The following FAM72C variants were observed in gnomAD, a reference collection of about 807,000 sequenced individuals.
The protein encoded by FAM72C is protein FAM72C.
Under a neutral mutation model 5.2 loss-of-function variants are expected in FAM72C, and 1 was observed. The observed-to-expected ratio is 0.19, with a 90% CI of 0.07 to 0.91. The LOEUF (loss-of-function observed/expected upper bound fraction) is 0.91. Ranked by LOEUF, FAM72C falls within the 40% of genes least tolerant of loss-of-function variation. The probability of loss-of-function intolerance (pLI) is 0.66; values close to 1 mark genes in which losing one functional copy is unlikely to be tolerated. For missense variants in FAM72C, 4 were observed against 66.0 expected, an observed-to-expected ratio of 0.06 and a Z score of 3.25; for synonymous variants, 1 against 21.8, an observed-to-expected ratio of 0.05 and a Z score of 2.66.
chr1:143,966,900 T>C (rs1411006907), intron 2 of FAM72C, among the ~76,000 whole-genome samples: 1 of 141,886 alleles, frequency 7.0e-6, no homozygotes, highest in Non-Finnish European at 1.5e-5. Context: ...TGGTGGCACG[T>C]GCCTGTAGTC....
chr1:143,963,930 A>C, intron 3 of FAM72C, among the ~76,000 whole-genome samples: 1 of 97,608 alleles, frequency 1.0e-5, no homozygotes, highest in African/African-American at 3.9e-5. Context: ...TGATCCTCCC[A>C]CCTCAGCCTC....
chr1:143,967,319 A>C, intron 2 of FAM72C, among the ~76,000 whole-genome samples: 1 of 144,684 alleles, frequency 6.9e-6, no homozygotes, highest in Admixed American at 6.9e-5. Flanking sequence ...CTCTACTAAA[A>C]TATGAAAAAT....
intron 3 of FAM72C, among the ~76,000 whole-genome samples, chr1:143,960,449 G>C (rs1553517750): frequency 8.3e-6 from 1 of 120,206 alleles, no homozygotes; most frequent in Admixed American, 8.4e-5. Flanking sequence ...CAGGCATGGT[G>C]ACTCACGTCT....
rs1326895376 is a variant in FAM72C, at chr1:143,966,815, G to A, written c.231-1836C>T. Among the ~76,000 whole-genome samples the A allele has an allele frequency of 7.7e-5, 11 of 143,026 alleles. 2 individuals carry two copies. The highest frequency in any genetic ancestry group is 7.0e-4 in the Admixed American group (10 of 14,344). The allele number at this position is 143,026 out of a possible 152,430, so 93.8% of individuals were successfully genotyped here. A position where few individuals can be genotyped will look rare whatever the true frequency, so the allele number is the denominator to read the frequency against. On this transcript the variant is annotated intron_variant, in intron 2 of 3. Transcript: ENST00000584486. ...GGCTGAGGCGGGTGGATCACTTGAG[G>A]TCAGGAGTTCGAGACCAGCCTGGCC...
At position 143,959,472 on chromosome 1, in the gene FAM72C, G is replaced by T; in HGVS notation, c.356-2991C>A. Among the ~76,000 whole-genome samples the T allele has an allele frequency of 1.6e-5, 2 of 127,512 alleles. 1 individual carries two copies. Among genetic ancestry groups the T allele is most frequent in the East Asian group, 4.6e-4 (2 of 4,390 alleles). The allele number at this position is 127,512 out of a possible 152,430, so 83.7% of individuals were successfully genotyped here. Reference sequence around the variant, plus strand: ...AGACCCCATAAATGATAGATTGAGAGCCACAGTTGAGTCCCAGATAAAAAA... The same window carrying T: ...AGACCCCATAAATGATAGATTGAGATCCACAGTTGAGTCCCAGATAAAAAA... On this transcript the variant is annotated intron_variant, in intron 3 of 3. Transcript: ENST00000584486.
intron 3 of FAM72C, among the ~76,000 whole-genome samples, chr1:143,958,008 G>C (rs1204050003): frequency 1.3e-5 from 1 of 75,242 alleles, no homozygotes; most frequent in East Asian, 3.6e-4. Context: ...CACTGAGATA[G>C]CAGCCACATG....
intron 3 of FAM72C, among the ~76,000 whole-genome samples, chr1:143,962,216 G>T (rs1553517959): frequency 7.0e-6 from 1 of 143,418 alleles, no homozygotes; most frequent in African/African-American, 2.6e-5. Flanking sequence ...GTTTCTCCAT[G>T]TTGGTCAGGC....
At chr1:143,965,283 C>T (rs1463500677) in intron 2 of FAM72C, among the ~76,000 whole-genome samples, 1 of 99,318 alleles carries the variant, frequency 1.0e-5, no homozygotes, top group Non-Finnish European at 2.0e-5. Flanking sequence ...GCAACCTCCG[C>T]CTCCCAGGTT....
At chr1:143,962,233 C>T (rs1315670703) in intron 3 of FAM72C, among the ~76,000 whole-genome samples, 3 of 143,698 alleles carry the variant, frequency 2.1e-5, no homozygotes, top group South Asian at 4.7e-4. Flanking sequence ...AGGCTGGTCT[C>T]GAACTCCCAA....
chr1:143,964,114 C>T (rs1406816318), intron 3 of FAM72C, among the ~76,000 whole-genome samples: 1 of 29,770 alleles, frequency 3.4e-5, no homozygotes, highest in Admixed American at 3.7e-4. Context: ...CCACTGCTCT[C>T]GGCCGAATAA....
At chr1:143,967,022 C>T (rs1482483183) in intron 2 of FAM72C, among the ~76,000 whole-genome samples, 17 of 144,156 alleles carry the variant, frequency 1.2e-4, no homozygotes, top group Admixed American at 5.6e-4. Context: ...AGCAAGACTC[C>T]GTCTCAAAGC....
intron 3 of FAM72C, among the ~76,000 whole-genome samples, chr1:143,962,090 C>T (rs1466623005): frequency 1.5e-5 from 2 of 137,332 alleles, no homozygotes; most frequent in African/African-American, 5.3e-5. Context: ...TCTTGGCTCA[C>T]CGCAACCTCC....
At position 143,955,439 on chromosome 1, in the gene FAM72C, G is replaced by T. The variant is rs1255314302; in HGVS notation, c.*948C>A. The T allele has an allele frequency of 1.8e-4, 25 of 136,216 alleles. No individual in the cohort carries two copies. In the Admixed American group the frequency reaches 1.9e-3, roughly 10 times the overall value. The allele number at this position is 136,216 out of a possible 1,614,324, so 8.4% of individuals were successfully genotyped here. On this transcript the variant is annotated 3_prime_UTR_variant, in exon 4 of 4. Transcript: ENST00000584486. ...GTATTGACAAAATCCCTACAACTGAGATATTAAAGAGATACATTTATTTTA... is the reference window on the plus strand; with the variant it reads ...GTATTGACAAAATCCCTACAACTGATATATTAAAGAGATACATTTATTTTA...
chr1:143,967,581 A>G (rs1661811221), intron 2 of FAM72C, among the ~76,000 whole-genome samples: 2 of 133,104 alleles, frequency 1.5e-5, no homozygotes, highest in South Asian at 2.4e-4. Flanking sequence ...TGACTACCAC[A>G]TACTAGTTCC....
In FAM72C at chr1:143,967,037, C is replaced by CA. The variant is rs1229326876; in HGVS notation, c.230+1886dup. On this transcript the variant is annotated intron_variant, in intron 2 of 3. Transcript: ENST00000584486. ...AGCAAGACTCCGTCTCAAAGCAAAACAAAAAAAATGTCGTTGCCCAGGTGC... is the reference window on the plus strand; with the variant it reads ...AGCAAGACTCCGTCTCAAAGCAAAACAAAAAAAAATGTCGTTGCCCAGGTGC... Among the ~76,000 whole-genome samples, 172 of 135,924 alleles carry CA rather than the reference C, an allele frequency of 1.3e-3. 12 individuals carry two copies. The highest frequency in any genetic ancestry group is 1.9e-3 in the Non-Finnish European group (117 of 62,990). 89.2% of individuals were successfully genotyped at this position (135,924 alleles called of 152,430 possible).
chr1:143,960,973 C>T lies in FAM72C; in HGVS notation c.355+3882G>A, dbSNP rs1327399496. 5.3e-5 allele frequency among the ~76,000 whole-genome samples: 7 copies of T among 131,848 alleles called. 1 individual carries two copies. Among genetic ancestry groups the T allele is most frequent in the Admixed American group, 4.6e-4 (6 of 13,036 alleles). 86.5% of individuals were successfully genotyped at this position (131,848 alleles called of 152,430 possible). A position where few individuals can be genotyped will look rare whatever the true frequency, so the allele number is the denominator to read the frequency against. ...ATATTGGCCAGGCTGGTCTCGAACC[C>T]CTGACCTCAAGTGATCATCTGTCTT... On this transcript the variant is annotated intron_variant, in intron 3 of 3. Coordinates refer to ENST00000584486, the MANE Select transcript of FAM72C (RefSeq NM_001287385.2).
rs1327839448 is a variant in FAM72C at position 143,957,628 on chromosome 1, TC to T, written c.356-1148del. 2.4e-4 allele frequency among the ~76,000 whole-genome samples: 34 copies of T among 143,866 alleles called. No homozygotes were observed. In the East Asian group the frequency reaches 6.8e-3, roughly 29 times the overall value. 94.4% of individuals were successfully genotyped at this position (143,866 alleles called of 152,430 possible). Reference sequence around the variant, plus strand: ...CAAGAAAAGCAAATCTTTTTTTTTTTCTTTTTGAGTCGGAGTCTCGCTCTAT... The same window carrying T: ...CAAGAAAAGCAAATCTTTTTTTTTTTTTTTTGAGTCGGAGTCTCGCTCTAT... On this transcript the variant is annotated intron_variant, in intron 3 of 3. Transcript: ENST00000584486.
rs1483193911 is a variant in FAM72C at position 143,967,232 on chromosome 1, C to T, written c.230+1692G>A. ...GTGGCTCACGCCTGTAATCCTAGCA[C>T]TTAGGGAGGCCAAGGCAGGCGGACT... is the stretch of plus-strand genomic sequence containing the variant. On this transcript the variant is annotated intron_variant, in intron 2 of 3. Transcript: ENST00000584486. Among the ~76,000 whole-genome samples, 35 of 145,924 alleles carry T rather than the reference C, an allele frequency of 2.4e-4. 2 individuals carry two copies. Among genetic ancestry groups the T allele is most frequent in the Non-Finnish European group, 4.1e-4 (27 of 65,834 alleles).
intron 3 of FAM72C, among the ~76,000 whole-genome samples, chr1:143,960,387 C>A (rs1206969552): frequency 1.5e-5 from 1 of 66,454 alleles, no homozygotes; most frequent in African/African-American, 7.5e-5. Flanking sequence ...GCCTGGGTGA[C>A]AGAATGACTC....
Sources: allele counts gnomAD v4.1 joint callset (sites outside exome capture counted in the v4.1 genomes callset), GRCh38; gene constraint gnomAD v4.1.1; transcripts MANE v1.5; gene names NCBI Gene and HGNC (gene_info 2026-07-23, HGNC 2026-07-21).